UBE3C: variants seen among roughly 807,000 people sequenced by gnomAD.
UBE3C encodes ubiquitin protein ligase E3C.
Under a neutral mutation model 129.4 loss-of-function variants are expected in UBE3C, and 42 were observed. The observed-to-expected ratio is 0.32, with a 90% CI of 0.25 to 0.42. UBE3C has a LOEUF of 0.42. Ranked by LOEUF, UBE3C falls within the 10% of genes least tolerant of loss-of-function variation. The probability of loss-of-function intolerance (pLI) is 1.00; values close to 1 mark genes in which losing one functional copy is unlikely to be tolerated. For synonymous variants in UBE3C, 510 were observed against 492.4 expected (o/e 1.04, Z -0.47); for missense variants, 1,049 against 1,319.1 (o/e 0.80, Z 3.17).
chr7:157,184,073 C>A, intron 9 of UBE3C, 44 bp downstream of exon 9: 1 of 1,596,210 alleles, frequency 6.3e-7, no homozygotes, highest in Non-Finnish European at 8.6e-7. Flanking sequence ...ATGCAGGCAG[C>A]CCCGTCGGAT....
chr7:157,149,560 G>C (rs998610101), intron 1 of UBE3C, among the ~76,000 whole-genome samples: 1 of 152,160 alleles, frequency 6.6e-6, no homozygotes, highest in African/African-American at 2.4e-5. Flanking sequence ...CCCTGAGAGT[G>C]AGTGCCTCCT....
Position 157,181,642 on chromosome 7 carries a change from T to C in UBE3C, c.741T>C (p.Phe247=), listed in dbSNP as rs1808669510. 1 of 1,613,612 alleles carries C rather than the reference T, an allele frequency of 6.2e-7. No homozygotes were observed. Residue 247 remains phenylalanine (F), a synonymous_variant, in exon 7 of 23, where the codon TTT becomes TTC. Coordinates refer to ENST00000348165, the MANE Select transcript of UBE3C (RefSeq NM_014671.3). The stretch of plus-strand genomic sequence containing the variant: ...AGAATGTTCTAAAACCATTGCACTT[T>C]ACTTACAACTCCTGTCCGGAAGGTG... The part of the protein sequence containing the change: ...LLENVLKPLH[F]TYNSCPEGAR...
chr7:157,211,167 G>GGAGGGAGAGAGAGA (rs1809582034), intron 13 of UBE3C, among the ~76,000 whole-genome samples: 1 of 137,082 alleles, frequency 7.3e-6, no homozygotes, highest in Non-Finnish European at 1.5e-5. Context: ...CCATATGTCT[G>GGAGGGAGAGAGAGA]GAGAGAGAGA....
chr7:157,218,961 G>A (rs145857759), intron 14 of UBE3C, among the ~76,000 whole-genome samples: 13 of 152,282 alleles, frequency 8.5e-5, no homozygotes, highest in African/African-American at 3.1e-4. Context: ...AAGTACTCAA[G>A]CATTTAACCC....
At chr7:157,190,782 T>C (rs1483040239) in intron 10 of UBE3C, among the ~76,000 whole-genome samples, 1 of 152,232 alleles carries the variant, frequency 6.6e-6, no homozygotes, top group Non-Finnish European at 1.5e-5. Flanking sequence ...TTATCAAGCA[T>C]TTGTTTACCT....
chr7:157,164,001 T>G, intron 2 of UBE3C, 138 bp downstream of exon 2: 1 of 782,686 alleles, frequency 1.3e-6, no homozygotes, highest in Non-Finnish European at 2.0e-6. Flanking sequence ...GTGTTTAGCT[T>G]TAGAAACATT....
chr7:157,252,136 A>C (rs928015888), intron 19 of UBE3C, among the ~76,000 whole-genome samples: 1 of 139,710 alleles, frequency 7.2e-6, no homozygotes, highest in Admixed American at 7.0e-5. Context: ...ACCTTGTCTC[A>C]AAAAAAAAAA....
At chr7:157,183,366 C>T (rs1013451715) in intron 8 of UBE3C, among the ~76,000 whole-genome samples, 3 of 152,172 alleles carry the variant, frequency 2.0e-5, no homozygotes, top group Non-Finnish European at 2.9e-5. Flanking sequence ...TCACAGAACT[C>T]GGGAAGTCGA....
In UBE3C at chr7:157,163,746, T is replaced by C. The variant is rs970439250; in HGVS notation, c.67-64T>C. The C allele has an allele frequency of 1.9e-6, 3 of 1,553,898 alleles. No homozygotes were observed. In the African/African-American group the frequency reaches 4.1e-5, roughly 21 times the overall value. Reference sequence around the variant, plus strand: ...TTTTGGGTGAAAACATTCTGTAATTTTTGTATGGGAGTTTTAAAATTGAAA... The same window carrying C: ...TTTTGGGTGAAAACATTCTGTAATTCTTGTATGGGAGTTTTAAAATTGAAA... On this transcript the variant is annotated intron_variant, in intron 1 of 22. Coordinates refer to ENST00000348165, the MANE Select transcript of UBE3C (RefSeq NM_014671.3).
chr7:157,175,270 C>T (rs961370762), intron 5 of UBE3C, among the ~76,000 whole-genome samples: 7 of 149,084 alleles, frequency 4.7e-5, no homozygotes, highest in Admixed American at 1.4e-4. Flanking sequence ...TTTTCTTTCA[C>T]GGATGCCTTT....
At chr7:157,267,485 C>T in intron 22 of UBE3C, 100 bp from the exon 23 acceptor site, 1 of 1,398,586 alleles carries the variant, frequency 7.2e-7, no homozygotes, top group South Asian at 1.3e-5. Context: ...GCAATGGTAA[C>T]TTTACTGATT....
At chr7:157,190,850 G>T (rs984461309) in intron 10 of UBE3C, among the ~76,000 whole-genome samples, 9 of 152,096 alleles carry the variant, frequency 5.9e-5, no homozygotes, top group African/African-American at 2.2e-4. Flanking sequence ...AGGCAAAAAG[G>T]CATATCTTGC....
At chr7:157,216,347 C>A (rs535538184) in intron 13 of UBE3C, among the ~76,000 whole-genome samples, 3 of 143,504 alleles carry the variant, frequency 2.1e-5, no homozygotes, top group Admixed American at 1.3e-4. Flanking sequence ...TTTCCAGATT[C>A]GTGGGTTTTT....
At chr7:157,147,418 G>A (rs184178121) in intron 1 of UBE3C, among the ~76,000 whole-genome samples, 2 of 152,032 alleles carry the variant, frequency 1.3e-5, no homozygotes, top group African/African-American at 2.4e-5. Context: ...TTCCAGGAGT[G>A]GTTTTTTGGT....
intron 5 of UBE3C, among the ~76,000 whole-genome samples, chr7:157,178,187 G>T (rs916848109): frequency 6.6e-6 from 1 of 152,114 alleles, no homozygotes; most frequent in Non-Finnish European, 1.5e-5. Context: ...TTAACCTGCA[G>T]TTCTTCTCAT....
intron 18 of UBE3C, among the ~76,000 whole-genome samples, chr7:157,245,992 C>CAAAAAAA (rs56270719): frequency 2.3e-5 from 2 of 85,604 alleles, no homozygotes; most frequent in Non-Finnish European, 4.4e-5. Context: ...GACTCCGTCT[C>CAAAAAAA]AAAAAAAAAA....
chr7:157,192,660 C>T, intron 10 of UBE3C: 3 of 767,658 alleles, frequency 3.9e-6, no homozygotes, highest in African/African-American at 1.7e-5. Flanking sequence ...GAAGGGGAAG[C>T]TGGCTGTCCT....
At chr7:157,261,163 G>A (rs1189279620) in intron 22 of UBE3C, among the ~76,000 whole-genome samples, 6 of 151,836 alleles carry the variant, frequency 4.0e-5, no homozygotes, top group South Asian at 2.1e-4. Context: ...AAAATCAGCC[G>A]GGCATGGTGG....
intron 1 of UBE3C, among the ~76,000 whole-genome samples, chr7:157,157,678 A>G (rs1807948351): frequency 6.6e-6 from 1 of 152,232 alleles, no homozygotes; most frequent in African/African-American, 2.4e-5. Context: ...AATGACCATT[A>G]AAATATAACA....
Sources: gnomAD v4.1 joint callset for allele counts (sites outside exome capture counted in the v4.1 genomes callset) on GRCh38, gnomAD v4.1.1 for gene constraint, MANE v1.5 for transcripts, NCBI Gene and HGNC (gene_info 2026-07-23, HGNC 2026-07-21) for gene names.